The following CREB5 variants were observed in gnomAD, a reference collection of about 807,000 sequenced individuals.
CREB5 encodes cAMP responsive element binding protein 5, also known as cyclic AMP-responsive element-binding protein 5.
A neutral mutation model predicts 57.1 loss-of-function variants in CREB5; 19 were observed. That is an observed-to-expected ratio of 0.33 (90% confidence interval 0.23 to 0.49). The LOEUF is 0.49. Ranked by LOEUF, CREB5 falls within the 20% of genes least tolerant of loss-of-function variation. CREB5 has a pLI of 0.99. For synonymous variants in CREB5, 238 were observed against 238.3 expected (o/e 1.00, Z 0.01); for missense variants, 579 against 671.6 (o/e 0.86, Z 1.52).
chr7:28,486,968 C>T lies in CREB5; in HGVS notation c.4-1207C>T, dbSNP rs559296166. On this transcript the variant is annotated intron_variant, in intron 1 of 10. Coordinates refer to ENST00000357727, the MANE Select transcript of CREB5 (RefSeq NM_182898.4). ...TTATTTAAAAACAAAACAAAACAAA[C>T]AAAAACTGAACTGCTACATAAGAAA... Among the ~76,000 whole-genome samples, 21 of 151,810 alleles carry T rather than the reference C, an allele frequency of 1.4e-4. No individual in the cohort carries two copies. The South Asian group carries it at 4.2e-3, about 30-fold the overall frequency.
intron 1 of CREB5, among the ~76,000 whole-genome samples, chr7:28,318,349 T>C (rs180736435): frequency 6.2e-4 from 94 of 152,366 alleles, no homozygotes; most frequent in Admixed American, 5.2e-3. Flanking sequence ...GCAAATAAGA[T>C]GCAGATGTTC....
intron 5 of CREB5, among the ~76,000 whole-genome samples, chr7:28,713,950 G>A (rs537414760): frequency 2.0e-5 from 3 of 151,986 alleles, no homozygotes; most frequent in South Asian, 4.2e-4. Context: ...TCTATGGTCT[G>A]TTATTTGTTT....
At chr7:28,619,241 G>A (rs565472642) in intron 5 of CREB5, among the ~76,000 whole-genome samples, 84 of 152,322 alleles carry the variant, frequency 5.5e-4, no homozygotes, top group Non-Finnish European at 2.4e-4. Flanking sequence ...TAGAGGTGGG[G>A]TTTGAACTCA....
At chr7:28,733,174 G>A (rs1210013798) in intron 7 of CREB5, among the ~76,000 whole-genome samples, 1 of 152,184 alleles carries the variant, frequency 6.6e-6, no homozygotes, top group African/African-American at 2.4e-5. Context: ...CAACCAGAGA[G>A]CCGAGTCAGT....
intron 2 of CREB5, among the ~76,000 whole-genome samples, chr7:28,491,859 C>T (rs1008733373): frequency 6.6e-6 from 1 of 152,116 alleles, no homozygotes; most frequent in Non-Finnish European, 1.5e-5. Context: ...GAATTGGAAA[C>T]GGGAATAAAT....
intron 4 of CREB5, among the ~76,000 whole-genome samples, chr7:28,514,563 T>C (rs1248843350): frequency 6.6e-6 from 1 of 152,004 alleles, no homozygotes; most frequent in Non-Finnish European, 1.5e-5. Context: ...TCCTGGCTAA[T>C]TTTTTGTATT....
chr7:28,806,802 G>A (rs146122339), intron 8 of CREB5, among the ~76,000 whole-genome samples: 83 of 152,280 alleles, frequency 5.5e-4, no homozygotes, highest in African/African-American at 1.9e-3. Context: ...ATTAAACTTA[G>A]GGTAGGAGGA....
chr7:28,738,090 A>G (rs1445809313), intron 7 of CREB5, among the ~76,000 whole-genome samples: 5 of 152,202 alleles, frequency 3.3e-5, no homozygotes, highest in African/African-American at 1.2e-4. Flanking sequence ...TGCACAGAAG[A>G]CTAAATTCTC....
intron 5 of CREB5, among the ~76,000 whole-genome samples, chr7:28,678,521 T>G (rs1800430700): frequency 6.6e-6 from 1 of 152,222 alleles, no homozygotes; most frequent in African/African-American, 2.4e-5. Context: ...GATCATTTTA[T>G]TAAAGTTTAG....
chr7:28,587,540 G>A (rs1796347872), intron 5 of CREB5, among the ~76,000 whole-genome samples: 1 of 150,428 alleles, frequency 6.6e-6, no homozygotes, highest in African/African-American at 2.4e-5. Context: ...GACCATTGTG[G>A]AGGTGGACTG....
intron 4 of CREB5, among the ~76,000 whole-genome samples, chr7:28,524,332 C>CACAG (rs1793336359): frequency 7.1e-6 from 1 of 139,944 alleles, no homozygotes; most frequent in African/African-American, 2.5e-5. Flanking sequence ...CACACACACA[C>CACAG]ACACACACAC....
intron 1 of CREB5, among the ~76,000 whole-genome samples, chr7:28,345,936 C>T (rs1320815616): frequency 6.6e-6 from 1 of 152,070 alleles, no homozygotes; most frequent in Non-Finnish European, 1.5e-5. Context: ...GTATGGTGGC[C>T]CATCAGAAGC....
intron 1 of CREB5, among the ~76,000 whole-genome samples, chr7:28,334,928 C>A (rs1011344190): frequency 6.6e-6 from 1 of 152,144 alleles, no homozygotes; most frequent in Non-Finnish European, 1.5e-5. Context: ...ATATGGATAT[C>A]CAGTTTTCCC....
In CREB5 at chr7:28,464,522, T is replaced by TGG. The variant is rs1371229358; in HGVS notation, c.4-23652_4-23651insGG. Among the ~76,000 whole-genome samples the TGG allele has an allele frequency of 3.3e-5, 5 of 151,786 alleles. No homozygotes were observed. The East Asian group carries it at 9.7e-4, about 29-fold the overall frequency. On this transcript the variant is annotated intron_variant, in intron 1 of 10. Transcript: ENST00000357727. ...GTGTGTGTGTGTGTGTGTGTGTGTG[T>TGG]GTGTGTGTGTGTGTGTTACTAATGC... is the stretch of plus-strand genomic sequence containing the variant.
intron 5 of CREB5, among the ~76,000 whole-genome samples, chr7:28,666,837 C>T (rs966654474): frequency 2.6e-5 from 4 of 151,114 alleles, no homozygotes; most frequent in Non-Finnish European, 5.9e-5. Flanking sequence ...GAGGCTGAGG[C>T]GGGAGGATCA....
intron 1 of CREB5, among the ~76,000 whole-genome samples, chr7:28,378,310 T>C (rs916306887): frequency 1.5e-4 from 22 of 150,256 alleles, no homozygotes; most frequent in African/African-American, 5.4e-4. Context: ...TTTTTTTTTC[T>C]CACAAAACTC....
chr7:28,778,234 G>C, intron 7 of CREB5, among the ~76,000 whole-genome samples: 1 of 152,186 alleles, frequency 6.6e-6, no homozygotes, highest in East Asian at 1.9e-4. Flanking sequence ...GTTGTACTTT[G>C]TAATTTACTA....
intron 1 of CREB5, among the ~76,000 whole-genome samples, chr7:28,348,397 G>GTCTC (rs369766128): frequency 1.1e-3 from 153 of 143,950 alleles, no homozygotes; most frequent in Middle Eastern, 3.7e-3. Flanking sequence ...CTCTCTCTCT[G>GTCTC]TCTCTCTCTC....
intron 1 of CREB5, among the ~76,000 whole-genome samples, chr7:28,481,072 A>G (rs1334574885): frequency 1.3e-5 from 2 of 152,176 alleles, no homozygotes; most frequent in African/African-American, 4.8e-5. Flanking sequence ...TAAAACCACA[A>G]ACCTCTGCAG....
Sources: allele counts gnomAD v4.1 joint callset (sites outside exome capture counted in the v4.1 genomes callset), GRCh38; gene constraint gnomAD v4.1.1; transcripts MANE v1.5; gene names NCBI Gene and HGNC (gene_info 2026-07-23, HGNC 2026-07-21).